DEFB118: variants seen among roughly 807,000 people sequenced by gnomAD.
The protein encoded by DEFB118 is defensin, beta 18.
DEFB118 carries 3 observed loss-of-function variants against 2.8 expected under a neutral mutation model. The observed-to-expected ratio is 1.09, with a 90% CI of 0.50 to 2.82. The LOEUF (loss-of-function observed/expected upper bound fraction) is 2.82. Among genes scored for constraint, DEFB118 ranks in the 30% most tolerant of loss-of-function variants. DEFB118 has a pLI of 0.04. For missense variants in DEFB118, 159 were observed against 144.6 expected, an observed-to-expected ratio of 1.10 and a Z score of -0.51; for synonymous variants, 63 against 53.5, an observed-to-expected ratio of 1.18 and a Z score of -0.78.
intron 1 of DEFB118, 59 bp from the exon 2 acceptor site, chr20:31,372,798 C>T: frequency 7.5e-7 from 1 of 1,325,808 alleles, no homozygotes; most frequent in Non-Finnish European, 1.1e-6. Flanking sequence ...TACAGTCATG[C>T]TAGTGAAATT....
chr20:31,369,895 A>G (rs1356365139), intron 1 of DEFB118, among the ~76,000 whole-genome samples: 5 of 152,028 alleles, frequency 3.3e-5, no homozygotes, highest in African/African-American at 1.2e-4. Flanking sequence ...ATTTACATAT[A>G]TGGATATGGG....
rs6057649 is a variant in DEFB118 at position 31,372,655 on chromosome 20, C to A, written c.59-202C>A. ...ATGACTAAAGTTTCTTTTCATTGAT[C>A]GTAAGATTCATCCCACTTTCAGAAT... On this transcript the variant is annotated intron_variant, in intron 1 of 1. Transcript: ENST00000253381. 0.81 allele frequency among the ~76,000 whole-genome samples: 122,664 copies of A among 152,166 alleles called. 49,461 individuals are homozygous for A. The highest frequency in any genetic ancestry group is 0.83 in the Non-Finnish European group (56,714 of 68,008).
chr20:31,370,639 A>G (rs1419937514), intron 1 of DEFB118, among the ~76,000 whole-genome samples: 5 of 152,226 alleles, frequency 3.3e-5, no homozygotes, highest in Non-Finnish European at 5.9e-5. Flanking sequence ...AGGAACAGAG[A>G]TATCTCCCTA....
chr20:31,371,563 C>A (rs960019139), intron 1 of DEFB118, among the ~76,000 whole-genome samples: 1 of 152,094 alleles, frequency 6.6e-6, no homozygotes, highest in African/African-American at 2.4e-5. Flanking sequence ...CTCCGTCTCC[C>A]AGGTTCAAGT....
intron 1 of DEFB118, among the ~76,000 whole-genome samples, chr20:31,370,770 A>G (rs1986198300): frequency 6.6e-6 from 1 of 152,110 alleles, no homozygotes; most frequent in Admixed American, 6.5e-5. Context: ...TTCTGTTTTG[A>G]AACAGAGTCT....
intron 1 of DEFB118, 31 bp from the exon 2 acceptor site, chr20:31,372,826 A>C: frequency 1.3e-6 from 2 of 1,587,434 alleles, no homozygotes; most frequent in Non-Finnish European, 1.7e-6. Context: ...TCAGTAACCC[A>C]AAATCAATGG....
rs1257514494 is a variant in DEFB118, at chr20:31,372,887, G to C, written c.89G>C (p.Arg30Thr). 5 of 1,614,014 alleles carry C rather than the reference G, an allele frequency of 3.1e-6. No homozygotes were observed. The highest frequency in any genetic ancestry group is 3.4e-6 in the Non-Finnish European group (4 of 1,180,022). ...AGTGGTGAAAAAAAATGCTGGAACA[G>C]ATCAGGGCACTGCAGGAAACAATGC... Reference protein sequence around the residue: ...AYSGEKKCWNRSGHCRKQCKD... With the variant: ...AYSGEKKCWNTSGHCRKQCKD... The change falls in exon 2 of 2, where the codon AGA becomes ACA. Residue 30 changes from arginine (R) to threonine (T), a missense_variant. Transcript: ENST00000253381.
In DEFB118 at chr20:31,373,874, G is replaced by A. The variant is rs1986258643; in HGVS notation, c.*704G>A. ...GATCATTTATCTACCTGATTACTGA[G>A]AGCTTTATTTGTCTCCCTCTGATAG... On this transcript the variant is annotated 3_prime_UTR_variant, in exon 2 of 2. Coordinates refer to ENST00000253381, the MANE Select transcript of DEFB118 (RefSeq NM_054112.3). 1 of 135,354 alleles carries A rather than the reference G, an allele frequency of 7.4e-6. No individual in the cohort carries two copies. Among genetic ancestry groups the A allele is most frequent in the Admixed American group, 7.8e-5 (1 of 12,806 alleles). The allele number at this position is 135,354 out of a possible 1,614,324, so 8.4% of individuals were successfully genotyped here.
At chr20:31,371,498 T>C (rs550601942) in intron 1 of DEFB118, among the ~76,000 whole-genome samples, 3 of 152,146 alleles carry the variant, frequency 2.0e-5, no homozygotes, top group Non-Finnish European at 4.4e-5. Context: ...TTTGAGACAG[T>C]CTCGCTCTGT....
At chr20:31,371,379 C>T (rs1986206675) in intron 1 of DEFB118, among the ~76,000 whole-genome samples, 1 of 152,166 alleles carries the variant, frequency 6.6e-6, no homozygotes, top group African/African-American at 2.4e-5. Flanking sequence ...CTCCATAATG[C>T]TTATCTTTTT....
chr20:31,373,291 A>T lies in DEFB118; in HGVS notation c.*121A>T. 1.2e-6 allele frequency: 1 copy of T among 867,224 alleles called. No homozygotes were observed. Among genetic ancestry groups the T allele is most frequent in the South Asian group, 1.8e-5 (1 of 55,718 alleles). 53.7% of individuals were successfully genotyped at this position (867,224 alleles called of 1,614,324 possible). On this transcript the variant is annotated 3_prime_UTR_variant, in exon 2 of 2. Coordinates refer to ENST00000253381, the MANE Select transcript of DEFB118 (RefSeq NM_054112.3). ...CCCACCAATATGTAATTCTATTAAT[A>T]GAAACAGCTGTGTAAAGAAGTCTAA...
In DEFB118 at chr20:31,372,901, A is replaced by G. The variant is rs1986236556; in HGVS notation, c.103A>G (p.Arg35Gly). The G allele has an allele frequency of 6.2e-7, 1 of 1,614,072 alleles. No homozygotes were observed. The highest frequency in any genetic ancestry group is 8.5e-7 in the Non-Finnish European group (1 of 1,180,018). The change falls in exon 2 of 2, where the codon AGG becomes GGG. Residue 35 changes from arginine to glycine, a missense_variant. Physicochemically the swap from Arg to Gly is moderately radical, Grantham distance 125. Coordinates refer to ENST00000253381, the MANE Select transcript of DEFB118 (RefSeq NM_054112.3). ...ATGCTGGAACAGATCAGGGCACTGCAGGAAACAATGCAAAGATGGAGAAGC... is the reference window on the plus strand; with the variant it reads ...ATGCTGGAACAGATCAGGGCACTGCGGGAAACAATGCAAAGATGGAGAAGC... Reference protein sequence around the residue: ...KKCWNRSGHCRKQCKDGEAVK... With the variant: ...KKCWNRSGHCGKQCKDGEAVK...
intron 1 of DEFB118, among the ~76,000 whole-genome samples, chr20:31,369,150 C>G (rs1173866904): frequency 1.3e-5 from 2 of 152,156 alleles, no homozygotes; most frequent in Non-Finnish European, 2.9e-5. Context: ...ACAGAACTGG[C>G]TTTTCTTCTT....
At chr20:31,370,845 G>C (rs1424719754) in intron 1 of DEFB118, among the ~76,000 whole-genome samples, 2 of 152,088 alleles carry the variant, frequency 1.3e-5, no homozygotes, top group Non-Finnish European at 2.9e-5. Context: ...CTGCCTCGGG[G>C]GTTCAAGCGA....
chr20:31,372,880 T>C lies in DEFB118; in HGVS notation c.82T>C (p.Trp28Arg). 1 of 1,614,052 alleles carries C rather than the reference T, an allele frequency of 6.2e-7. No individual in the cohort carries two copies. Among genetic ancestry groups the C allele is most frequent in the South Asian group, 1.1e-5 (1 of 91,072 alleles). ...IPAYSGEKKC[W>R]NRSGHCRKQC... ...AGCCTATAGTGGTGAAAAAAAATGC[T>C]GGAACAGATCAGGGCACTGCAGGAA... The change falls in exon 2 of 2, where the codon TGG becomes CGG. Residue 28 changes from tryptophan (W) to arginine (R), a missense_variant. Transcript: ENST00000253381.
chr20:31,372,781 C>T (rs192196149), intron 1 of DEFB118, 76 bp from the exon 2 acceptor site: 20 of 1,148,076 alleles, frequency 1.7e-5, no homozygotes, highest in African/African-American at 3.1e-5. Flanking sequence ...ATATAGGATG[C>T]GAGATATACA....
In DEFB118 at chr20:31,369,406, T is replaced by G. The variant is rs867286407; in HGVS notation, c.58+698T>G. The stretch of plus-strand genomic sequence containing the variant: ...TTGTGTTTTTTTTTTTTTTTTTTTT[T>G]GAAGATGGAATCTCAATCTGTCACC... On this transcript the variant is annotated intron_variant, in intron 1 of 1. Coordinates refer to ENST00000253381, the MANE Select transcript of DEFB118 (RefSeq NM_054112.3). Among the ~76,000 whole-genome samples, 137 of 137,688 alleles carry G rather than the reference T, an allele frequency of 1.0e-3. No homozygotes were observed. In the Middle Eastern group the frequency reaches 0.029, roughly 29 times the overall value. The allele number at this position is 137,688 out of a possible 152,430, so 90.3% of individuals were successfully genotyped here.
At chr20:31,368,734 AAAAT>A (rs1170128677) in intron 1 of DEFB118, 26 bp downstream of exon 1, 1 of 1,608,048 alleles carries the variant, frequency 6.2e-7, no homozygotes, top group Non-Finnish European at 8.5e-7. Flanking sequence ...GGAAGATACA[AAAAT>A]AGAGGTATAG....
intron 1 of DEFB118, among the ~76,000 whole-genome samples, chr20:31,369,692 A>G (rs1473124460): frequency 6.6e-6 from 1 of 152,038 alleles, no homozygotes; most frequent in Non-Finnish European, 1.5e-5. Context: ...ACCCGGCCCT[A>G]TGCAGCACTC....
Sources: gnomAD v4.1 joint callset for allele counts (sites outside exome capture counted in the v4.1 genomes callset) on GRCh38, gnomAD v4.1.1 for gene constraint, MANE v1.5 for transcripts, NCBI Gene and HGNC (gene_info 2026-07-23, HGNC 2026-07-21) for gene names.